TEX11: variants seen among roughly 807,000 people sequenced by gnomAD.
The protein encoded by TEX11 is testis expressed 11, also known as testis-expressed protein 11.
A neutral mutation model predicts 84.4 loss-of-function variants in TEX11; 7 were observed. The observed-to-expected ratio is 0.08, with a 90% CI of 0.05 to 0.16. The LOEUF is 0.16. Among genes scored for constraint, TEX11 ranks in the 10% least tolerant of loss-of-function variants. The pLI is 1.00. For synonymous variants in TEX11, 264 were observed against 222.8 expected (o/e 1.18, Z -1.64); for missense variants, 551 against 660.5 (o/e 0.83, Z 1.82).
intron 27 of TEX11, among the ~76,000 whole-genome samples, 162 bp downstream of exon 27, chrX:70,553,144 T>G (rs1325073981): frequency 1.8e-5 from 2 of 111,832 alleles, no homozygotes; most frequent in African/African-American, 6.5e-5. Flanking sequence ...AAATAATTAT[T>G]GGTCTGTAAT....
At chrX:70,586,233 T>C (rs1416675677) in intron 25 of TEX11, among the ~76,000 whole-genome samples, 1 of 112,365 alleles carries the variant, frequency 8.9e-6, no homozygotes, top group East Asian at 2.8e-4. Flanking sequence ...GAAGAATTTA[T>C]AGGAATAAAT....
At chrX:70,636,312 G>C (rs1458242153) in intron 17 of TEX11, among the ~76,000 whole-genome samples, 1 of 110,943 alleles carries the variant, frequency 9.0e-6, no homozygotes, top group Non-Finnish European at 1.9e-5. Flanking sequence ...CTCCAGGCCA[G>C]CTCCAGGCTC....
At chrX:70,704,540 T>A (rs965359654) in intron 13 of TEX11, among the ~76,000 whole-genome samples, 3 of 111,591 alleles carry the variant, frequency 2.7e-5, no homozygotes, top group African/African-American at 9.8e-5. Context: ...CAATCTTCAT[T>A]CTTTACTGTT....
chrX:70,630,103 G>C (rs1053292394), intron 17 of TEX11, among the ~76,000 whole-genome samples: 1 of 111,302 alleles, frequency 9.0e-6, no homozygotes, highest in Non-Finnish European at 1.9e-5. Flanking sequence ...GCGAGGTCAG[G>C]AGATCGAGAC....
chrX:70,832,330 T>A (rs1165852214), intron 8 of TEX11, among the ~76,000 whole-genome samples: 1 of 112,189 alleles, frequency 8.9e-6, no homozygotes, highest in Non-Finnish European at 1.9e-5. Flanking sequence ...CTATGTATAA[T>A]TCTAGATTGA....
chrX:70,607,254 G>C (rs2089205368), intron 22 of TEX11, among the ~76,000 whole-genome samples: 2 of 111,118 alleles, frequency 1.8e-5, no homozygotes, highest in Admixed American at 9.6e-5. Context: ...GACCAAGGGA[G>C]GTACTGCTGA....
intron 16 of TEX11, among the ~76,000 whole-genome samples, chrX:70,661,652 A>G (rs986732082): frequency 3.6e-5 from 4 of 111,586 alleles, no homozygotes; most frequent in Non-Finnish European, 1.9e-5. Flanking sequence ...CACCTCACAC[A>G]GCCGGGTACT....
chrX:70,746,675 T>C (rs2090769612), intron 9 of TEX11, among the ~76,000 whole-genome samples: 1 of 112,043 alleles, frequency 8.9e-6, no homozygotes, highest in Non-Finnish European at 1.9e-5. Context: ...AGATCATGTC[T>C]AAGGACACTG....
intron 9 of TEX11, among the ~76,000 whole-genome samples, chrX:70,751,095 T>C (rs1273573428): frequency 3.8e-5 from 4 of 104,046 alleles, no homozygotes; most frequent in Non-Finnish European, 7.9e-5. Context: ...GATCTAGAAC[T>C]AGAAATACCA....
chrX:70,517,697 G>A, the TEX11 span, among the ~76,000 whole-genome samples: 1 of 111,243 alleles, frequency 9.0e-6, no homozygotes, highest in Non-Finnish European at 1.9e-5. Context: ...AGAAAGAATG[G>A]CACCAGCTCC....
In TEX11 at chrX:70,750,920, A is replaced by AT. The variant is rs1491476193; in HGVS notation, c.693-6702dup. On this transcript the variant is annotated intron_variant, in intron 9 of 29. Transcript: ENST00000374333. ...CATGTATCCTAAAACTTAAAGTATA[A>AT]TAAAAAAAAAAAAATATATATATAT... Among the ~76,000 whole-genome samples, 9 of 27,011 alleles carry AT rather than the reference A, an allele frequency of 3.3e-4. No individual in the cohort carries two copies. The South Asian group carries it at 0.014, about 41-fold the overall frequency. 23.5% of individuals were successfully genotyped at this position (27,011 alleles called of 115,157 possible).
At chrX:70,898,353 A>C (rs1249363672) in intron 2 of TEX11, among the ~76,000 whole-genome samples, 1 of 112,301 alleles carries the variant, frequency 8.9e-6, no homozygotes, top group Non-Finnish European at 1.9e-5. Flanking sequence ...GCTTCACTGA[A>C]GTGTTACTTG....
chrX:70,557,577 T>G (rs756442318), intron 25 of TEX11, among the ~76,000 whole-genome samples: 1 of 112,077 alleles, frequency 8.9e-6, no homozygotes, highest in African/African-American at 3.2e-5. Flanking sequence ...AAACAAAAAC[T>G]ATAAAACATC....
At chrX:70,523,769 C>CTT in the TEX11 span, among the ~76,000 whole-genome samples, 70 of 90,935 alleles carry the variant, frequency 7.7e-4, 1 homozygote, top group East Asian at 5.2e-3. Context: ...TGGCCCCCCT[C>CTT]TTTTTTTTTT....
At chrX:70,539,038 A>ATATATT in intron 28 of TEX11, among the ~76,000 whole-genome samples, 6 of 41,251 alleles carry the variant, frequency 1.5e-4, no homozygotes, top group African/African-American at 3.7e-4. Context: ...ATATATATAT[A>ATATATT]TTTTTTTTTT....
intron 24 of TEX11, among the ~76,000 whole-genome samples, chrX:70,602,036 C>A (rs1444631324): frequency 1.8e-5 from 2 of 111,093 alleles, no homozygotes; most frequent in Non-Finnish European, 3.8e-5. Flanking sequence ...TGGCCCATCC[C>A]CAATGAGCCG....
intron 16 of TEX11, among the ~76,000 whole-genome samples, chrX:70,669,434 C>T (rs1279430482): frequency 8.9e-6 from 1 of 112,309 alleles, no homozygotes; most frequent in Non-Finnish European, 1.9e-5. Flanking sequence ...ACATGATCAT[C>T]TTCCTTTTAG....
At chrX:70,606,235 T>G (rs1391223804) in intron 23 of TEX11, among the ~76,000 whole-genome samples, 1 of 112,411 alleles carries the variant, frequency 8.9e-6, no homozygotes, top group Non-Finnish European at 1.9e-5. Flanking sequence ...TACTCTTATG[T>G]GAGATGAAGG....
At chrX:70,683,521 C>G (rs1038025918) in intron 13 of TEX11, among the ~76,000 whole-genome samples, 16 of 111,112 alleles carry the variant, frequency 1.4e-4, no homozygotes, top group African/African-American at 5.2e-4. Flanking sequence ...ACTAGCAAGG[C>G]TGAAGTGGGA....
Sources: gnomAD v4.1 joint callset for allele counts (sites outside exome capture counted in the v4.1 genomes callset) on GRCh38, gnomAD v4.1.1 for gene constraint, MANE v1.5 for transcripts, NCBI Gene and HGNC (gene_info 2026-07-23, HGNC 2026-07-21) for gene names.